MTUS2: variants seen among roughly 807,000 people sequenced by gnomAD.
The protein encoded by MTUS2 is microtubule associated scaffold protein 2, also known as microtubule-associated tumor suppressor candidate 2.
Under a neutral mutation model 114.1 loss-of-function variants are expected in MTUS2, and 40 were observed. That is an observed-to-expected ratio of 0.35 (90% CI 0.27 to 0.46). The LOEUF (loss-of-function observed/expected upper bound fraction) is 0.46. Ranked by LOEUF, MTUS2 falls within the 20% of genes least tolerant of loss-of-function variation. The pLI is 1.00. For missense variants in MTUS2, 1,679 were observed against 1,705.4 expected (o/e 0.98, Z 0.27); for synonymous variants, 688 against 672.0 (o/e 1.02, Z -0.37).
chr13:28,832,652 A>G (rs1334027637), intron 1 of MTUS2, among the ~76,000 whole-genome samples: 1 of 148,296 alleles, frequency 6.7e-6, no homozygotes, highest in Non-Finnish European at 1.5e-5. Flanking sequence ...ATATGACAAT[A>G]TATTAAAATT....
chr13:28,889,939 C>T (rs1878818155), intron 2 of MTUS2, among the ~76,000 whole-genome samples: 1 of 152,108 alleles, frequency 6.6e-6, no homozygotes, highest in Non-Finnish European at 1.5e-5. Flanking sequence ...TGGGGTGCCC[C>T]AGTGATACTC....
At chr13:29,151,630 C>A (rs1257943151) in intron 5 of MTUS2, among the ~76,000 whole-genome samples, 2 of 152,174 alleles carry the variant, frequency 1.3e-5, no homozygotes, top group Admixed American at 1.3e-4. Flanking sequence ...AAGGTGAATT[C>A]TTCCAGCTTT....
Position 29,375,620 on chromosome 13 carries a change from TATATATATATATATATATACACAC to T in MTUS2, c.3117+16149_3117+16172del. On this transcript the variant is annotated intron_variant, in intron 8 of 15. Transcript: ENST00000612955. ...ATATATATATATACGTATATATATA[TATATATATATATATATATACACAC>T]ACCATGAAATACCACTCAGCTATAA... Among the ~76,000 whole-genome samples, 3 of 12,574 alleles carry T rather than the reference TATATATATATATATATATACACAC, an allele frequency of 2.4e-4. 1 individual carries two copies. Among genetic ancestry groups the T allele is most frequent in the Admixed American group, 3.1e-3 (2 of 640 alleles). 8.2% of individuals were successfully genotyped at this position (12,574 alleles called of 152,430 possible).
At chr13:29,015,153 A>G (rs1886013597) in intron 2 of MTUS2, among the ~76,000 whole-genome samples, 2 of 152,236 alleles carry the variant, frequency 1.3e-5, no homozygotes, top group African/African-American at 2.4e-5. Flanking sequence ...TGATAGAACT[A>G]TAATTGAGGT....
intron 5 of MTUS2, among the ~76,000 whole-genome samples, chr13:29,266,732 A>C (rs1235780461): frequency 6.6e-6 from 1 of 152,190 alleles, no homozygotes; most frequent in African/African-American, 2.4e-5. Context: ...TCTGGGGTTC[A>C]AGAACTGGGA....
chr13:29,232,294 A>G (rs933046773), intron 5 of MTUS2, among the ~76,000 whole-genome samples: 4 of 24,080 alleles, frequency 1.7e-4, no homozygotes, highest in Admixed American at 1.4e-3. Flanking sequence ...ACACACACAC[A>G]CACGCGCGCG....
In MTUS2 at chr13:29,012,531, AT is replaced by A. The variant is rs1015539973; in HGVS notation, c.-242-11924del. On this transcript the variant is annotated intron_variant, in intron 2 of 15. Coordinates refer to ENST00000612955, the MANE Select transcript of MTUS2 (RefSeq NM_001033602.4). Reference sequence around the variant, plus strand: ...TAGGAAGGGAATAAATTAGTGAAATATTACAGTGCTATATTAATAGGTGACT... The same window carrying A: ...TAGGAAGGGAATAAATTAGTGAAATATACAGTGCTATATTAATAGGTGACT... Among the ~76,000 whole-genome samples, 38 of 152,268 alleles carry A rather than the reference AT, an allele frequency of 2.5e-4. 1 individual carries two copies. Among genetic ancestry groups the A allele is most frequent in the African/African-American group, 8.2e-4 (34 of 41,546 alleles).
At chr13:28,952,510 T>C (rs192632403) in intron 2 of MTUS2, among the ~76,000 whole-genome samples, 3 of 152,340 alleles carry the variant, frequency 2.0e-5, no homozygotes, top group African/African-American at 7.2e-5. Context: ...TTGGGTGTTC[T>C]TTCAGATTTT....
chr13:29,326,399 A>G (rs1900516871), intron 7 of MTUS2, among the ~76,000 whole-genome samples: 1 of 152,258 alleles, frequency 6.6e-6, no homozygotes, highest in South Asian at 2.1e-4. Context: ...TTCTAGAGAA[A>G]GAGTAAAAAT....
intron 9 of MTUS2, among the ~76,000 whole-genome samples, chr13:29,478,646 T>A (rs1275763771): frequency 2.0e-5 from 3 of 152,148 alleles, no homozygotes; most frequent in African/African-American, 4.8e-5. Flanking sequence ...TCAGTTTGTT[T>A]TTCGCTTGTA....
chr13:29,451,407 A>T (rs1878672885), intron 9 of MTUS2, among the ~76,000 whole-genome samples: 1 of 152,200 alleles, frequency 6.6e-6, no homozygotes, highest in Non-Finnish European at 1.5e-5. Context: ...ACATATCAAA[A>T]TCTGTGGAAT....
chr13:29,359,007 C>T (rs945034360), intron 7 of MTUS2, among the ~76,000 whole-genome samples: 5 of 149,622 alleles, frequency 3.3e-5, no homozygotes, highest in South Asian at 2.1e-4. Flanking sequence ...GAAGAAGTGT[C>T]GGAAGCTGGA....
chr13:29,313,304 G>T (rs1899850815), intron 6 of MTUS2, among the ~76,000 whole-genome samples: 1 of 152,168 alleles, frequency 6.6e-6, no homozygotes, highest in Non-Finnish European at 1.5e-5. Context: ...TATTTCAAAA[G>T]ATTTGGCATT....
chr13:29,345,462 C>T (rs1868570509), intron 7 of MTUS2, among the ~76,000 whole-genome samples: 1 of 151,620 alleles, frequency 6.6e-6, no homozygotes, highest in Non-Finnish European at 1.5e-5. Context: ...TGACAGTTTC[C>T]AGTGTATTTT....
At chr13:28,981,688 A>C (rs1884364619) in intron 2 of MTUS2, among the ~76,000 whole-genome samples, 1 of 152,080 alleles carries the variant, frequency 6.6e-6, no homozygotes, top group South Asian at 2.1e-4. Context: ...GCATGAGCTG[A>C]GTGGCGCTTG....
intron 8 of MTUS2, among the ~76,000 whole-genome samples, chr13:29,433,252 C>A (rs1462999850): frequency 6.6e-6 from 1 of 152,220 alleles, no homozygotes; most frequent in African/African-American, 2.4e-5. Context: ...AAGGCAAAGG[C>A]TGAAATTATG....
At chr13:29,377,595 T>C (rs1230411491) in intron 8 of MTUS2, among the ~76,000 whole-genome samples, 1 of 152,108 alleles carries the variant, frequency 6.6e-6, no homozygotes. Flanking sequence ...AAATACAACA[T>C]ATCAAAATGT....
chr13:29,113,828 C>A (rs1427095651), intron 5 of MTUS2, among the ~76,000 whole-genome samples: 1 of 152,114 alleles, frequency 6.6e-6, no homozygotes, highest in East Asian at 1.9e-4. Context: ...ATGTGTGTCC[C>A]TACCTAAATC....
chr13:29,360,087 G>A (rs912502707), intron 8 of MTUS2, among the ~76,000 whole-genome samples: 5 of 152,196 alleles, frequency 3.3e-5, no homozygotes, highest in African/African-American at 1.2e-4. Flanking sequence ...CCATGGAGCA[G>A]ATAAGCATCC....
Sources: gnomAD v4.1 joint callset for allele counts (sites outside exome capture counted in the v4.1 genomes callset) on GRCh38, gnomAD v4.1.1 for gene constraint, MANE v1.5 for transcripts, NCBI Gene and HGNC (gene_info 2026-07-23, HGNC 2026-07-21) for gene names.